Variants in TASP1 observed in about 807,000 individuals in gnomAD.
TASP1 encodes the protein threonine aspartase 1.
In TASP1, 16 loss-of-function variants were observed where a neutral mutation model predicts 56.6. The observed-to-expected ratio is 0.28, with a 90% CI of 0.19 to 0.43. The LOEUF is 0.43. Ranked by LOEUF, TASP1 falls within the 20% of genes least tolerant of loss-of-function variation. The pLI, the probability that TASP1 is intolerant of heterozygous loss-of-function variation, is 1.00. For missense variants in TASP1, 393 were observed against 511.6 expected, an observed-to-expected ratio of 0.77 and a Z score of 2.24; for synonymous variants, 179 against 184.2, an observed-to-expected ratio of 0.97 and a Z score of 0.23.
At chr20:13,272,670 T>C in the TASP1 span, among the ~76,000 whole-genome samples, 3 of 152,210 alleles carry the variant, frequency 2.0e-5, no homozygotes, top group Admixed American at 6.5e-5. Flanking sequence ...ATTGTTTTAA[T>C]TGATAAATTG....
At chr20:13,268,648 C>T in the TASP1 span, among the ~76,000 whole-genome samples, 12 of 152,310 alleles carry the variant, frequency 7.9e-5, no homozygotes, top group African/African-American at 1.2e-4. Flanking sequence ...AGGTGACAGA[C>T]GAGGTCTCTA....
chr20:13,532,147 G>C lies in TASP1; in HGVS notation c.795+1875C>G, dbSNP rs557706927. 2.6e-5 allele frequency among the ~76,000 whole-genome samples: 4 copies of C among 152,164 alleles called. 1 individual carries two copies. The East Asian group carries it at 7.7e-4, about 29-fold the overall frequency. The stretch of plus-strand genomic sequence containing the variant: ...TGGTCTTGAACTCCTGACCTCAACT[G>C]ATCTGCCCACCTTGGCCTTCCATGC... On this transcript the variant is annotated intron_variant, in intron 9 of 13. Coordinates refer to ENST00000337743, the MANE Select transcript of TASP1 (RefSeq NM_017714.3).
At chr20:13,386,326 T>C (rs1410149675), downstream of TASP1, among the ~76,000 whole-genome samples, 1 of 152,176 alleles carries the variant, frequency 6.6e-6, no homozygotes, top group Non-Finnish European at 1.5e-5. Flanking sequence ...ACACAGAAAA[T>C]TCATGCATAA....
chr20:13,567,103 A>G (rs2046556966), intron 7 of TASP1, among the ~76,000 whole-genome samples: 2 of 152,212 alleles, frequency 1.3e-5, no homozygotes, highest in Admixed American at 1.3e-4. Flanking sequence ...GCCATAAAAA[A>G]GAGTAAGATC....
intron 9 of TASP1, among the ~76,000 whole-genome samples, chr20:13,532,589 C>T (rs769209949): frequency 3.8e-4 from 58 of 152,196 alleles, no homozygotes; most frequent in Non-Finnish European, 6.6e-4. Flanking sequence ...CAAACCAACA[C>T]ATAAATTTTA....
At chr20:13,521,835 A>G (rs2044772419) in intron 10 of TASP1, among the ~76,000 whole-genome samples, 2 of 152,322 alleles carry the variant, frequency 1.3e-5, no homozygotes, top group South Asian at 4.1e-4. Flanking sequence ...AAAATTGTGT[A>G]AAGATATAAA....
the TASP1 span, chr20:13,221,869 CG>C: frequency 7.0e-7 from 1 of 1,419,302 alleles, no homozygotes; most frequent in South Asian, 1.5e-5. Context: ...GAGCCGCCGA[CG>C]GGCCCGACGC....
chr20:13,412,071 G>A (rs2123717917), intron 13 of TASP1, among the ~76,000 whole-genome samples: 1 of 152,290 alleles, frequency 6.6e-6, no homozygotes, highest in Middle Eastern at 3.4e-3. Flanking sequence ...TGTATTTGGT[G>A]AAAATCTTAT....
the TASP1 span, chr20:13,164,511 A>C: frequency 3.6e-6 from 2 of 548,342 alleles, no homozygotes; most frequent in Non-Finnish European, 6.7e-6. Flanking sequence ...TCACACTCTC[A>C]AAATAAAATA....
At chr20:13,350,903 G>A in the TASP1 span, among the ~76,000 whole-genome samples, 1 of 150,462 alleles carries the variant, frequency 6.6e-6, no homozygotes, top group Non-Finnish European at 1.5e-5. Flanking sequence ...GTCTCACTAT[G>A]TTACCCAGGC....
At chr20:13,233,577 A>G in the TASP1 span, among the ~76,000 whole-genome samples, 1 of 151,146 alleles carries the variant, frequency 6.6e-6, no homozygotes, top group Non-Finnish European at 1.5e-5. Flanking sequence ...CCTGGGCAAC[A>G]AGAGCGAAAC....
intron 13 of TASP1, among the ~76,000 whole-genome samples, chr20:13,407,968 C>G (rs530549003): frequency 2.0e-5 from 3 of 152,092 alleles, no homozygotes; most frequent in Non-Finnish European, 4.4e-5. Context: ...GGTACAAGCT[C>G]CTCACCAATT....
intron 10 of TASP1, among the ~76,000 whole-genome samples, chr20:13,527,704 T>A (rs1283707616): frequency 6.6e-6 from 1 of 152,118 alleles, no homozygotes; most frequent in Non-Finnish European, 1.5e-5. Flanking sequence ...CTGTATTACA[T>A]TAAAAGTGTC....
At chr20:13,419,379 G>A (rs1248792145) in intron 12 of TASP1, among the ~76,000 whole-genome samples, 2 of 152,100 alleles carry the variant, frequency 1.3e-5, no homozygotes, top group East Asian at 1.9e-4. Flanking sequence ...AGGAATCATG[G>A]TTGTCCCTTG....
At chr20:13,638,050 A>G (rs963178216) in intron 1 of TASP1, among the ~76,000 whole-genome samples, 4 of 152,214 alleles carry the variant, frequency 2.6e-5, no homozygotes, top group South Asian at 4.1e-4. Context: ...AAAAAAGATC[A>G]AAATGCTGGG....
the TASP1 span, among the ~76,000 whole-genome samples, chr20:13,308,807 G>C: frequency 6.6e-6 from 1 of 152,124 alleles, no homozygotes; most frequent in Non-Finnish European, 1.5e-5. Flanking sequence ...CTTATGGGAG[G>C]TTATTAGGTC....
At chr20:13,221,683 GCCGGGCTC>G in the TASP1 span, 1 of 1,116,014 alleles carries the variant, frequency 9.0e-7, no homozygotes, top group Non-Finnish European at 1.1e-6. Flanking sequence ...GAGCCGCGCT[GCCGGGCTC>G]CCGGGCTCCT....
the TASP1 span, among the ~76,000 whole-genome samples, chr20:13,225,973 C>T: frequency 2.6e-5 from 4 of 152,166 alleles, no homozygotes; most frequent in African/African-American, 9.7e-5. Flanking sequence ...TCTCCTTTGT[C>T]TGAAATTCAA....
the TASP1 span, among the ~76,000 whole-genome samples, chr20:13,336,646 T>C: frequency 5.3e-5 from 8 of 152,210 alleles, no homozygotes; most frequent in Admixed American, 3.3e-4. Context: ...AAAGCTTTTT[T>C]CCTGTTCTTT....
Sources: allele counts gnomAD v4.1 joint callset (sites outside exome capture counted in the v4.1 genomes callset), GRCh38; gene constraint gnomAD v4.1.1; transcripts MANE v1.5; gene names NCBI Gene and HGNC (gene_info 2026-07-23, HGNC 2026-07-21).